WIPF3: variants seen among roughly 807,000 people sequenced by gnomAD.
WIPF3 encodes the protein WAS/WASL-interacting protein family member 3.
A neutral mutation model predicts 38.9 loss-of-function variants in WIPF3; 33 were observed. The observed-to-expected ratio is 0.85, with a 90% confidence interval of 0.64 to 1.14. WIPF3 has a LOEUF of 1.14. Among genes scored for constraint, WIPF3 ranks in the 50% most tolerant of loss-of-function variants. WIPF3 has a pLI of 0.00. For synonymous variants in WIPF3, 324 were observed against 269.3 expected, an observed-to-expected ratio of 1.20 and a Z score of -1.99; for missense variants, 711 against 652.5, an observed-to-expected ratio of 1.09 and a Z score of -0.98.
rs1785651920 is a variant in WIPF3 at position 29,878,495 on chromosome 7, A to G, written c.224-514A>G. Among the ~76,000 whole-genome samples the G allele has an allele frequency of 6.6e-6, 1 of 152,052 alleles. No individual in the cohort carries two copies. On this transcript the variant is annotated intron_variant, in intron 3 of 8. Transcript: ENST00000242140. This position sits in a 1 kb window ranked among gnomAD's most constrained non-coding sequence, Gnocchi z 4.0. ...GGGGCTGGGGGCTTGAGGGCTGGAG[A>G]GACAGGAAGGAAACTGCCAGGGCAC...
chr7:29,872,845 T>C (rs1247253325), intron 2 of WIPF3, among the ~76,000 whole-genome samples: 1 of 139,782 alleles, frequency 7.2e-6, no homozygotes, highest in Non-Finnish European at 1.5e-5. Context: ...GAGAGACCTC[T>C]AGCGGGAGAT....
At chr7:29,887,371 C>T (rs1785905496) in intron 5 of WIPF3, among the ~76,000 whole-genome samples, 1 of 152,188 alleles carries the variant, frequency 6.6e-6, no homozygotes, top group Admixed American at 6.5e-5. Flanking sequence ...AGCAGTGGAA[C>T]CCCTGCACTG....
In WIPF3 at chr7:29,823,803, G is replaced by A. The variant is rs558438330; in HGVS notation, c.-57-10865G>A. On this transcript the variant is annotated intron_variant, in intron 1 of 8. Transcript: ENST00000242140. The surrounding 1 kb of genome is among the most constrained non-coding windows in gnomAD (Gnocchi z 4.0). ...ACGAGATCTGATTGTTTAAAAGTGC[G>A]TGGCACCCCCACCCCAGTCCTGCTT... 6.2e-4 allele frequency among the ~76,000 whole-genome samples: 95 copies of A among 152,196 alleles called. No homozygotes were observed. The highest frequency in any genetic ancestry group is 2.2e-3 in the African/African-American group (90 of 41,510).
At chr7:29,850,954 G>T (rs1204548374) in intron 2 of WIPF3, among the ~76,000 whole-genome samples, 2 of 152,160 alleles carry the variant, frequency 1.3e-5, no homozygotes, top group Non-Finnish European at 2.9e-5. Flanking sequence ...GGTTGTAAAG[G>T]AATTCACTGC....
chr7:29,906,771 G>T (rs1282167458), intron 8 of WIPF3, among the ~76,000 whole-genome samples: 2 of 152,122 alleles, frequency 1.3e-5, no homozygotes, highest in African/African-American at 4.8e-5. Flanking sequence ...CTTGAAAACA[G>T]CAAGAGAGAA....
intron 2 of WIPF3, among the ~76,000 whole-genome samples, chr7:29,838,371 C>A (rs1784852408): frequency 6.6e-6 from 1 of 152,112 alleles, no homozygotes; most frequent in Non-Finnish European, 1.5e-5. Context: ...GACATGGCTT[C>A]ACTTCAAGTA....
intron 4 of WIPF3, 147 bp from the exon 5 acceptor site, chr7:29,883,703 C>G: frequency 8.5e-7 from 1 of 1,182,522 alleles, no homozygotes; most frequent in South Asian, 2.2e-5. Context: ...GCTGTGGCAC[C>G]TGAGGCCTCT....
chr7:29,891,623 C>T (rs561570906), intron 7 of WIPF3, among the ~76,000 whole-genome samples: 2 of 152,236 alleles, frequency 1.3e-5, no homozygotes, highest in East Asian at 3.9e-4. Context: ...TGTCCATCTC[C>T]CATCCTTGCT....
intron 7 of WIPF3, among the ~76,000 whole-genome samples, chr7:29,890,985 G>A (rs1328511799): frequency 9.3e-6 from 1 of 107,396 alleles, no homozygotes; most frequent in Non-Finnish European, 1.9e-5. Context: ...GAGGGGGCGA[G>A]GGCCTGCCCT....
intron 2 of WIPF3, among the ~76,000 whole-genome samples, chr7:29,849,077 G>C (rs1404339882): frequency 6.6e-6 from 1 of 152,038 alleles, no homozygotes. Flanking sequence ...TAAGTCATCT[G>C]CTTGAAATTC....
At chr7:29,908,620 T>C (rs1331123077) in intron 8 of WIPF3, among the ~76,000 whole-genome samples, 1 of 152,194 alleles carries the variant, frequency 6.6e-6, no homozygotes, top group African/African-American at 2.4e-5. Context: ...TTTTAAAAGA[T>C]AGATATCAGG....
chr7:29,834,894 A>T, intron 2 of WIPF3, 80 bp downstream of exon 2: 1 of 1,482,966 alleles, frequency 6.7e-7, no homozygotes, highest in Non-Finnish European at 9.0e-7. Flanking sequence ...TTAAATGTTC[A>T]GAAGTAGCAC....
intron 7 of WIPF3, among the ~76,000 whole-genome samples, chr7:29,892,086 G>A (rs886641133): frequency 3.9e-5 from 6 of 152,160 alleles, no homozygotes; most frequent in East Asian, 1.9e-4. Flanking sequence ...GAATCAGCTC[G>A]ATAAAAACCT....
At chr7:29,807,197 C>G (rs1784297061) in intron 1 of WIPF3, among the ~76,000 whole-genome samples, 1 of 152,190 alleles carries the variant, frequency 6.6e-6, no homozygotes, top group African/African-American at 2.4e-5. Flanking sequence ...AGAAGGAGCC[C>G]CCTAGTGAGG....
chr7:29,835,960 G>A (rs1393245758), intron 2 of WIPF3, among the ~76,000 whole-genome samples: 1 of 152,194 alleles, frequency 6.6e-6, no homozygotes, highest in Non-Finnish European at 1.5e-5. Context: ...CATGACCACA[G>A]GCCCTGGTGA....
chr7:29,883,879 C>A lies in WIPF3; in HGVS notation c.385C>A (p.Arg129Ser). The A allele has an allele frequency of 6.4e-7, 1 of 1,568,914 alleles. No individual in the cohort carries two copies. Among genetic ancestry groups the A allele is most frequent in the Non-Finnish European group, 8.7e-7 (1 of 1,153,904 alleles). Reference protein sequence around the residue: ...GGKTGQGPGSRAPSPRLPNKT... With the variant: ...GGKTGQGPGSSAPSPRLPNKT... ...CAAGACAGGGCAGGGCCCTGGCTCCCGCGCGCCCTCTCCCAGGCTTCCCAA... is the reference window on the plus strand; with the variant it reads ...CAAGACAGGGCAGGGCCCTGGCTCCAGCGCGCCCTCTCCCAGGCTTCCCAA... Residue 129 changes from arginine to serine, a missense_variant, in exon 5 of 9, where the codon CGC (arginine) becomes AGC (serine). Coordinates refer to ENST00000242140, the MANE Select transcript of WIPF3 (RefSeq NM_001080529.3).
rs1785773511 is a variant in WIPF3 at position 29,883,847 on chromosome 7, C to T, written c.356-3C>T. The T allele has an allele frequency of 6.6e-7, 1 of 1,522,202 alleles. No individual in the cohort carries two copies. The highest frequency in any genetic ancestry group is 8.8e-7 in the Non-Finnish European group (1 of 1,133,730). 94.3% of individuals were successfully genotyped at this position (1,522,202 alleles called of 1,614,324 possible). A position where few individuals can be genotyped will look rare whatever the true frequency, so the allele number is the denominator to read the frequency against. On this transcript the variant is annotated splice_polypyrimidine_tract_variant and splice_region_variant and intron_variant, in intron 4 of 8. Coordinates refer to ENST00000242140, the MANE Select transcript of WIPF3 (RefSeq NM_001080529.3). ...GCTAACCCAGAATCTCTTTCACTTC[C>T]AGGTGGCAAGACAGGGCAGGGCCCT...
chr7:29,843,668 C>T (rs1295929938), intron 2 of WIPF3, among the ~76,000 whole-genome samples: 2 of 152,174 alleles, frequency 1.3e-5, no homozygotes, highest in African/African-American at 2.4e-5. Context: ...TTCCTCCCTC[C>T]ACCAGGTTTG....
intron 2 of WIPF3, among the ~76,000 whole-genome samples, chr7:29,865,100 ACT>A (rs143980764): frequency 0.011 from 1,625 of 152,282 alleles, 33 homozygotes; most frequent in African/African-American, 0.038. Context: ...GGTAGTTATT[ACT>A]CTCTTCCAAA....
Sources: gnomAD v4.1 joint callset for allele counts (sites outside exome capture counted in the v4.1 genomes callset) on GRCh38, gnomAD v4.1.1 for gene constraint, Gnocchi (gnomAD v3.1) non-coding constraint, MANE v1.5 for transcripts, NCBI Gene and HGNC (gene_info 2026-07-23, HGNC 2026-07-21) for gene names.